Variants in DNHD1 observed in about 807,000 individuals in gnomAD.
The protein encoded by DNHD1 is dynein heavy chain domain 1.
A neutral mutation model predicts 458.1 loss-of-function variants in DNHD1; 383 were observed. That is an observed-to-expected ratio of 0.84 (90% CI 0.77 to 0.91). The LOEUF is 0.91. Among genes scored for constraint, DNHD1 ranks in the 40% least tolerant of loss-of-function variants. The pLI, the probability that DNHD1 is intolerant of heterozygous loss-of-function variation, is 0.00. For synonymous variants in DNHD1, 2,203 were observed against 2,376.9 expected, an observed-to-expected ratio of 0.93 and a Z score of 2.13; for missense variants, 5,336 against 5,866.1, an observed-to-expected ratio of 0.91 and a Z score of 2.95.
chr11:6,519,636 C>T lies in DNHD1; in HGVS notation c.1429C>T (p.Gln477Ter), dbSNP rs1289549552. ...EDTYHMQQCL[Q>*]ERVQNCDRIR... ...CACATACCACATGCAACAGTGCCTACAGGAGCGAGTACAAAACTGTGACAG... is the reference window on the plus strand; with the variant it reads ...CACATACCACATGCAACAGTGCCTATAGGAGCGAGTACAAAACTGTGACAG... Residue 477 changes from glutamine to a stop codon, truncating the protein, a stop_gained, in exon 8 of 43, where the codon CAG becomes TAG. Coordinates refer to ENST00000254579, the MANE Select transcript of DNHD1 (RefSeq NM_144666.3). LOFTEE classifies it high-confidence loss of function. The T allele has an allele frequency of 5.0e-6, 8 of 1,614,050 alleles. No homozygotes were observed. The African/African-American group carries it at 9.3e-5, about 19-fold the overall frequency.
intron 12 of DNHD1, among the ~76,000 whole-genome samples, chr11:6,531,645 A>G (rs1024131540): frequency 3.3e-5 from 5 of 152,198 alleles, no homozygotes; most frequent in African/African-American, 1.2e-4. Flanking sequence ...TCTGTTTGAT[A>G]TAGGTTGTCC....
Position 6,545,509 on chromosome 11 carries a change from G to A in DNHD1, c.4570G>A (p.Glu1524Lys). 5 of 1,551,706 alleles carry A rather than the reference G, an allele frequency of 3.2e-6. No individual in the cohort carries two copies. The highest frequency in any genetic ancestry group is 4.4e-6 in the Non-Finnish European group (5 of 1,147,006). ...AEEVVWRAEM[E>K]EALLEWGTLA... ...GGAGGTGGTATGGCGGGCCGAGATGGAGGAGGCTCTGCTTGAGTGGGGTAC... is the reference window on the plus strand; with the variant it reads ...GGAGGTGGTATGGCGGGCCGAGATGAAGGAGGCTCTGCTTGAGTGGGGTAC... Residue 1524 changes from glutamate to lysine, a missense_variant, in exon 21 of 43, where the codon GAG becomes AAG. By Grantham distance (56) the Glu-to-Lys change is moderately conservative. Coordinates refer to ENST00000254579, the MANE Select transcript of DNHD1 (RefSeq NM_144666.3). This position sits in a 1 kb window ranked among gnomAD's most constrained non-coding sequence, Gnocchi z 4.9.
chr11:6,558,426 G>T, intron 25 of DNHD1, 59 bp from the exon 26 acceptor site: 1 of 1,543,854 alleles, frequency 6.5e-7, no homozygotes, highest in South Asian at 1.2e-5. Flanking sequence ...GCTGGGACTG[G>T]GGCCAGGAGG....
intron 7 of DNHD1, 107 bp downstream of exon 7, chr11:6,511,536 C>A: frequency 7.1e-7 from 1 of 1,413,794 alleles, no homozygotes; most frequent in Non-Finnish European, 9.6e-7. Flanking sequence ...ATGACCTGGA[C>A]TCTACAGTTG....
chr11:6,502,639 C>A, intron 3 of DNHD1, 114 bp from the exon 4 acceptor site: 1 of 912,726 alleles, frequency 1.1e-6, no homozygotes, highest in Non-Finnish European at 1.6e-6. Flanking sequence ...CACGTCAGGT[C>A]TCCTCAGGCA....
Position 6,544,954 on chromosome 11 carries a change from G to T in DNHD1, c.4015G>T (p.Glu1339Ter). 6.4e-7 allele frequency: 1 copy of T among 1,551,764 alleles called. No homozygotes were observed. The highest frequency in any genetic ancestry group is 8.7e-7 in the Non-Finnish European group (1 of 1,147,004). Residue 1339 changes from glutamate to a stop codon, truncating the protein, a stop_gained, in exon 21 of 43, where the codon GAG becomes TAG. Transcript: ENST00000254579. LOFTEE classifies it high-confidence loss of function. ...QLLQAGSVEL[E>*]GIIMSLESVL... ...GCTGCAAGCAGGATCGGTGGAGCTG[G>T]AGGGCATCATCATGAGTCTGGAGAG... is the stretch of plus-strand genomic sequence containing the variant.
At chr11:6,556,635 T>C in intron 24 of DNHD1, 48 bp from the exon 25 acceptor site, 1 of 1,478,336 alleles carries the variant, frequency 6.8e-7, no homozygotes, top group Non-Finnish European at 9.1e-7. Context: ...GTTGATACTC[T>C]CATGTGGACT....
At chr11:6,527,392 C>T (rs1013792316) in intron 10 of DNHD1, among the ~76,000 whole-genome samples, 3 of 151,988 alleles carry the variant, frequency 2.0e-5, no homozygotes, top group African/African-American at 7.3e-5. Flanking sequence ...TTTAAAGTAA[C>T]GACAACAGGA....
rs1478016751 is a variant in DNHD1, at chr11:6,548,744, G to C, written c.7198G>C (p.Val2400Leu). Residue 2400 changes from valine (V) to leucine (L), a missense_variant, in exon 24 of 43, where the codon GTG (valine) becomes CTG (leucine). Physicochemically the swap from Val to Leu is conservative, Grantham distance 32. Around this residue, in one of 4 missense-constraint regions of DNHD1, gnomAD observed 3,932 missense variants for 4,365.6 expected, o/e 0.90. Coordinates refer to ENST00000254579, the MANE Select transcript of DNHD1 (RefSeq NM_144666.3). The surrounding 1 kb of genome is among the most constrained non-coding windows in gnomAD (Gnocchi z 4.4). ...AACAGGGAAGTCAGCCTTTGTGGAGGTGCTGGTAGAGCCACATCACCCTTA... is the reference window on the plus strand; with the variant it reads ...AACAGGGAAGTCAGCCTTTGTGGAGCTGCTGGTAGAGCCACATCACCCTTA... The part of the protein sequence containing the change: ...AATGKSAFVE[V>L]LVEPHHPYIY... The C allele has an allele frequency of 5.2e-6, 8 of 1,551,526 alleles. No individual in the cohort carries two copies. Among genetic ancestry groups the C allele is most frequent in the Non-Finnish European group, 7.0e-6 (8 of 1,147,002 alleles).
At position 6,547,868 on chromosome 11, in the gene DNHD1, C is replaced by T. The variant is rs1266210034; in HGVS notation, c.6733C>T (p.Leu2245Phe). ...GGCCATGGCAACTTTCACAGAGGAC[C>T]TCAGCTATAGTGATCCTGTGGCCCA... ...KEEKAPGPEDLSYSDPVAQSF... is the reference protein window; with the variant it reads ...KEEKAPGPEDFSYSDPVAQSF... Residue 2245 changes from leucine to phenylalanine, a missense_variant, in exon 22 of 43, where the codon CTC (leucine) becomes TTC (phenylalanine). By Grantham distance (22) the Leu-to-Phe change is conservative. Around this residue, in one of 4 missense-constraint regions of DNHD1, gnomAD observed 3,932 missense variants for 4,365.6 expected, o/e 0.90. Transcript: ENST00000254579. The T allele has an allele frequency of 6.4e-7, 1 of 1,551,748 alleles. No individual in the cohort carries two copies.
chr11:6,512,254 T>C (rs1852353955), intron 7 of DNHD1, among the ~76,000 whole-genome samples: 1 of 124,776 alleles, frequency 8.0e-6, no homozygotes, highest in South Asian at 2.8e-4. Context: ...GGAGTCTCGC[T>C]CTGTCACCCA....
rs1224873918 is a variant in DNHD1 at position 6,571,402 on chromosome 11, C to T, written c.13890C>T (p.Asn4630=). The T allele has an allele frequency of 6.2e-7, 1 of 1,604,808 alleles. No individual in the cohort carries two copies. The highest frequency in any genetic ancestry group is 8.5e-7 in the Non-Finnish European group (1 of 1,173,772). The change falls in exon 42 of 43, where the codon AAC becomes AAT. Residue 4630 remains asparagine (N), a synonymous_variant. Transcript: ENST00000254579. The surrounding 1 kb of genome is among the most constrained non-coding windows in gnomAD (Gnocchi z 5.0). ...SQLQYKRLEM[N]SNPLHFRVEN... is the part of the protein sequence containing the mutation. Reference sequence around the variant, plus strand: ...TCCAGTATAAACGTCTGGAGATGAACAGCAACCCTCTGCACTTCAGGGTAT... The same window carrying T: ...TCCAGTATAAACGTCTGGAGATGAATAGCAACCCTCTGCACTTCAGGGTAT...
At position 6,539,740 on chromosome 11, in the gene DNHD1, G is replaced by A. The variant is rs73407168; in HGVS notation, c.3421-136G>A. On this transcript the variant is annotated intron_variant, in intron 17 of 42. Coordinates refer to ENST00000254579, the MANE Select transcript of DNHD1 (RefSeq NM_144666.3). ...TTTGAAGCCTGATGGTCCCACTCTCGCTTCATCTCTGAGACCTCCACTTTC... is the reference window on the plus strand; with the variant it reads ...TTTGAAGCCTGATGGTCCCACTCTCACTTCATCTCTGAGACCTCCACTTTC... 5.6e-4 allele frequency: 438 copies of A among 777,298 alleles called. No homozygotes were observed. The African/African-American group carries it at 6.1e-3, about 11-fold the overall frequency. The allele number at this position is 777,298 out of a possible 1,614,324, so 48.2% of individuals were successfully genotyped here. A position where few individuals can be genotyped will look rare whatever the true frequency, so the allele number is the denominator to read the frequency against.
chr11:6,529,325 G>C (rs1218752373), intron 12 of DNHD1, among the ~76,000 whole-genome samples: 2 of 152,084 alleles, frequency 1.3e-5, no homozygotes. Flanking sequence ...CTCTGTTTTG[G>C]CTCTGCTCAT....
intron 29 of DNHD1, 28 bp downstream of exon 29, chr11:6,563,159 A>C (rs997580051): frequency 6.4e-7 from 1 of 1,551,612 alleles, no homozygotes; most frequent in African/African-American, 1.4e-5. Flanking sequence ...CCTGCCCTGC[A>C]CTGCTCCTCT....
intron 32 of DNHD1, 27 bp downstream of exon 32, chr11:6,564,831 T>G: frequency 6.8e-7 from 1 of 1,466,964 alleles, no homozygotes; most frequent in Non-Finnish European, 9.1e-7. Flanking sequence ...AATGCAATGC[T>G]TCCGGAGTAT....
chr11:6,543,046 A>G (rs1328803216), intron 18 of DNHD1, among the ~76,000 whole-genome samples: 1 of 152,220 alleles, frequency 6.6e-6, no homozygotes, highest in Non-Finnish European at 1.5e-5. Flanking sequence ...AGCATAAAAG[A>G]TGGGCCTCTT....
rs144188912 is a variant in DNHD1 at position 6,570,457 on chromosome 11, C to G, written c.13105+61C>G. ...AATAGTGCAATGCAATGCCACCCCC[C>G]ACAGAAATGTGGACAGCAGTCTCAA... On this transcript the variant is annotated intron_variant, in intron 41 of 42. Coordinates refer to ENST00000254579, the MANE Select transcript of DNHD1 (RefSeq NM_144666.3). The G allele has an allele frequency of 4.2e-5, 64 of 1,526,258 alleles. No individual in the cohort carries two copies. The African/African-American group carries it at 6.5e-4, about 15-fold the overall frequency. The allele number at this position is 1,526,258 out of a possible 1,614,324, so 94.5% of individuals were successfully genotyped here.
chr11:6,551,943 A>G (rs1256180638), intron 24 of DNHD1, among the ~76,000 whole-genome samples: 1 of 138,660 alleles, frequency 7.2e-6, no homozygotes. Flanking sequence ...TCCGTCTCCA[A>G]AAAAAAAAAG....
Sources: allele counts gnomAD v4.1 joint callset (sites outside exome capture counted in the v4.1 genomes callset), GRCh38; gene constraint gnomAD v4.1.1; regional missense constraint gnomAD v4.1.1; non-coding constraint Gnocchi (gnomAD v3.1); transcripts MANE v1.5; gene names NCBI Gene and HGNC (gene_info 2026-07-23, HGNC 2026-07-21).